The following EMC2 variants were observed in gnomAD, a reference collection of about 807,000 sequenced individuals.
EMC2 encodes the protein ER membrane protein complex subunit 2, also known as TPR repeat protein 35.
A neutral mutation model predicts 51.6 loss-of-function variants in EMC2; 37 were observed. The observed-to-expected ratio is 0.72, with a 90% CI of 0.55 to 0.94. EMC2 has a LOEUF of 0.94. Among genes scored for constraint, EMC2 ranks in the 40% least tolerant of loss-of-function variants. EMC2 has a pLI of 0.00. For synonymous variants in EMC2, 131 were observed against 112.4 expected, an observed-to-expected ratio of 1.17 and a Z score of -1.04; for missense variants, 359 against 350.9, an observed-to-expected ratio of 1.02 and a Z score of -0.18.
chr8:108,479,783 G>A (rs1376578522), intron 10 of EMC2, among the ~76,000 whole-genome samples: 1 of 151,824 alleles, frequency 6.6e-6, no homozygotes, highest in Non-Finnish European at 1.5e-5. Flanking sequence ...TTTTAATATA[G>A]ACGAGATCTT....
intron 1 of EMC2, among the ~76,000 whole-genome samples, chr8:108,447,929 T>A (rs1000873510): frequency 9.9e-5 from 15 of 152,032 alleles, no homozygotes; most frequent in East Asian, 1.9e-4. Flanking sequence ...CCAGATTTTT[T>A]TAAAAAATAA....
At chr8:108,483,995 C>G (rs1811091549) in intron 10 of EMC2, among the ~76,000 whole-genome samples, 1 of 152,028 alleles carries the variant, frequency 6.6e-6, no homozygotes, top group African/African-American at 2.4e-5. Flanking sequence ...TCAAGAACTG[C>G]TTTTCTTTCT....
Position 108,479,043 on chromosome 8 carries a change from C to T in EMC2, c.740C>T (p.Ala247Val). The change falls in exon 10 of 11, where the codon GCA (alanine) becomes GTA (valine). Residue 247 changes from alanine to valine, a missense_variant. Transcript: ENST00000220853. ...ATTGCTTCTAATCCAAAAGCAAGTGCAAAAACGAAAAAGGACAACATGAAA... is the reference window on the plus strand; with the variant it reads ...ATTGCTTCTAATCCAAAAGCAAGTGTAAAAACGAAAAAGGACAACATGAAA... ...SHIASNPKAS[A>V]KTKKDNMKYA... The T allele has an allele frequency of 6.3e-7, 1 of 1,580,410 alleles. No homozygotes were observed. Among genetic ancestry groups the T allele is most frequent in the Non-Finnish European group, 8.6e-7 (1 of 1,163,178 alleles).
Position 108,479,021 on chromosome 8 carries a change from G to C in EMC2, c.718G>C (p.Ala240Pro). 1.3e-6 allele frequency: 2 copies of C among 1,569,904 alleles called. No individual in the cohort carries two copies. Among genetic ancestry groups the C allele is most frequent in the Non-Finnish European group, 8.6e-7 (1 of 1,158,452 alleles). ...TTGTTTTTAGTCGGCAAGTCATATT[G>C]CTTCTAATCCAAAAGCAAGTGCAAA... is the stretch of plus-strand genomic sequence containing the variant. ...FGLYMSASHI[A>P]SNPKASAKTK... The change falls in exon 10 of 11, where the codon GCT (alanine) becomes CCT (proline). Residue 240 changes from alanine (A) to proline (P), a missense_variant. Physicochemically the swap from Ala to Pro is conservative, Grantham distance 27 (BLOSUM62 -1). Transcript: ENST00000220853.
intron 1 of EMC2, among the ~76,000 whole-genome samples, chr8:108,449,590 A>T (rs559158603): frequency 6.6e-6 from 1 of 152,330 alleles, no homozygotes; most frequent in South Asian, 2.1e-4. Flanking sequence ...ACTTCTAAAG[A>T]TAGTCATAAT....
chr8:108,476,867 T>C lies in EMC2; in HGVS notation c.677T>C (p.Met226Thr), dbSNP rs1378074427. The stretch of plus-strand genomic sequence containing the variant: ...GCATTGAAACTGAACAACAGAAATA[T>C]GAGAGCTTTGTTTGGACTTTATATG... The part of the protein sequence containing the change: ...AQALKLNNRN[M>T]RALFGLYMSA... Residue 226 changes from methionine to threonine, a missense_variant, in exon 9 of 11, where the codon ATG becomes ACG. Transcript: ENST00000220853. 2 of 1,586,602 alleles carry C rather than the reference T, an allele frequency of 1.3e-6. No homozygotes were observed. The highest frequency in any genetic ancestry group is 1.7e-6 in the Non-Finnish European group (2 of 1,155,774).
chr8:108,447,361 C>T (rs1320357080), intron 1 of EMC2, among the ~76,000 whole-genome samples: 1 of 152,096 alleles, frequency 6.6e-6, no homozygotes, highest in Non-Finnish European at 1.5e-5. Context: ...AATCAGGTTG[C>T]CTTTTCTTTT....
At chr8:108,453,715 A>T (rs1236155161) in intron 4 of EMC2, among the ~76,000 whole-genome samples, 1 of 152,050 alleles carries the variant, frequency 6.6e-6, no homozygotes, top group Non-Finnish European at 1.5e-5. Context: ...GTCTTTTAAA[A>T]TTTTATTTTC....
intron 1 of EMC2, among the ~76,000 whole-genome samples, chr8:108,445,724 C>T (rs893178837): frequency 1.3e-5 from 2 of 152,156 alleles, no homozygotes; most frequent in African/African-American, 4.8e-5. Context: ...TTTTGTCTCT[C>T]CTAAGATGAA....
At chr8:108,467,156 G>C (rs1810738590) in intron 5 of EMC2, among the ~76,000 whole-genome samples, 1 of 152,158 alleles carries the variant, frequency 6.6e-6, no homozygotes. Context: ...CCGATCTGCA[G>C]TAGATACTTC....
At chr8:108,474,644 A>G (rs983702717) in intron 7 of EMC2, 1 of 151,476 alleles carries the variant, frequency 6.6e-6, no homozygotes, top group Non-Finnish European at 1.5e-5. Flanking sequence ...TGCAGGGTGT[A>G]TTTTTTTTCC....
chr8:108,458,845 C>T (rs1197246302), intron 5 of EMC2, among the ~76,000 whole-genome samples: 1 of 152,202 alleles, frequency 6.6e-6, no homozygotes, highest in South Asian at 2.1e-4. Context: ...AATTTCTTCT[C>T]AGAAAATGGG....
At chr8:108,476,550 A>G (rs1459966344) in intron 8 of EMC2, among the ~76,000 whole-genome samples, 1 of 151,948 alleles carries the variant, frequency 6.6e-6, no homozygotes, top group African/African-American at 2.4e-5. Flanking sequence ...TTTTTGTTTT[A>G]GAAACTACTC....
Position 108,455,889 on chromosome 8 carries a change from C to A in EMC2, c.322C>A (p.Gln108Lys), listed in dbSNP as rs1819139909. The change falls in exon 5 of 11, where the codon CAG becomes AAG. Residue 108 changes from glutamine to lysine, a missense_variant. Physicochemically the swap from Gln to Lys is moderately conservative, Grantham distance 53. Transcript: ENST00000220853. ...EAMERYDDAI[Q>K]LYDRILQEDP... ...TTTAAATAGATATGATGATGCTATACAGCTATATGATAGGATTTTACAAGA... is the reference window on the plus strand; with the variant it reads ...TTTAAATAGATATGATGATGCTATAAAGCTATATGATAGGATTTTACAAGA... The A allele has an allele frequency of 2.3e-6, 3 of 1,309,516 alleles. No homozygotes were observed. The highest frequency in any genetic ancestry group is 3.2e-6 in the Non-Finnish European group (3 of 948,610). The allele number at this position is 1,309,516 out of a possible 1,614,324, so 81.1% of individuals were successfully genotyped here. A position where few individuals can be genotyped will look rare whatever the true frequency, so the allele number is the denominator to read the frequency against.
chr8:108,461,371 T>A (rs1319231758), intron 5 of EMC2, among the ~76,000 whole-genome samples: 1 of 152,218 alleles, frequency 6.6e-6, no homozygotes, highest in Admixed American at 6.5e-5. Context: ...AACACAAGGA[T>A]GAATTAGCCT....
At chr8:108,481,602 A>G (rs999339345) in intron 10 of EMC2, among the ~76,000 whole-genome samples, 4 of 152,216 alleles carry the variant, frequency 2.6e-5, no homozygotes, top group Admixed American at 6.5e-5. Flanking sequence ...AATTAATAAC[A>G]TAGAAATAAG....
At position 108,487,545 on chromosome 8, in the gene EMC2, A is replaced by G. The variant is rs1473515042; in HGVS notation, c.*947A>G. ...GTTTCAACAAAATAGAAGAGACTTG[A>G]AAGTTAAATTTCATTTAGACACAAA... On this transcript the variant is annotated 3_prime_UTR_variant, in exon 11 of 11. Transcript: ENST00000220853. Among the ~76,000 whole-genome samples the G allele has an allele frequency of 1.3e-5, 2 of 152,042 alleles. No homozygotes were observed. Among genetic ancestry groups the G allele is most frequent in the Non-Finnish European group, 2.9e-5 (2 of 67,980 alleles).
At chr8:108,479,404 T>C (rs781763485) in intron 10 of EMC2, among the ~76,000 whole-genome samples, 5 of 152,138 alleles carry the variant, frequency 3.3e-5, no homozygotes, top group African/African-American at 4.8e-5. Flanking sequence ...TAAATAAATA[T>C]CACGTCACAT....
intron 7 of EMC2, among the ~76,000 whole-genome samples, chr8:108,471,553 A>G (rs886838669): frequency 6.6e-6 from 1 of 151,906 alleles, no homozygotes; most frequent in Non-Finnish European, 1.5e-5. Flanking sequence ...ATCTTTTAAA[A>G]TAAAAGCCCA....
Sources: allele counts gnomAD v4.1 joint callset (sites outside exome capture counted in the v4.1 genomes callset), GRCh38; gene constraint gnomAD v4.1.1; transcripts MANE v1.5; gene names NCBI Gene and HGNC (gene_info 2026-07-23, HGNC 2026-07-21).